AKT1: variants seen among roughly 807,000 people sequenced by gnomAD.
AKT1 encodes AKT serine/threonine kinase 1, also known as RAC-alpha serine/threonine-protein kinase.
AKT1 carries 21 observed loss-of-function variants against 63.1 expected under a neutral mutation model. The observed-to-expected ratio is 0.33, with a 90% CI of 0.24 to 0.48. The LOEUF is 0.48. AKT1 is among the 20% of genes least tolerant of loss of function. The probability of loss-of-function intolerance (pLI) is 0.99; values close to 1 mark genes in which losing one functional copy is unlikely to be tolerated. For missense variants in AKT1, 382 were observed against 666.0 expected (o/e 0.57, Z 4.69); for synonymous variants, 257 against 253.1 (o/e 1.02, Z -0.15).
At chr14:104,787,745 G>A (rs1893409503) in intron 3 of AKT1, among the ~76,000 whole-genome samples, 1 of 152,196 alleles carries the variant, frequency 6.6e-6, no homozygotes, top group Non-Finnish European at 1.5e-5. Flanking sequence ...CCCCCCACAG[G>A]GCATCCCTGC....
chr14:104,790,278 G>A (rs1027311276), intron 3 of AKT1, among the ~76,000 whole-genome samples: 12 of 152,150 alleles, frequency 7.9e-5, no homozygotes, highest in African/African-American at 2.7e-4. Flanking sequence ...GAGCAAGGCT[G>A]GGGGGGAGTG....
At chr14:104,779,331 G>C (rs1892898334) in intron 4 of AKT1, among the ~76,000 whole-genome samples, 1 of 152,240 alleles carries the variant, frequency 6.6e-6, no homozygotes, top group Admixed American at 6.5e-5. Context: ...CAAAGGCTCT[G>C]CCATGGGGTC....
At chr14:104,792,575 CA>C in intron 3 of AKT1, 22 bp downstream of exon 3, 1 of 1,611,678 alleles carries the variant, frequency 6.2e-7, no homozygotes, top group Non-Finnish European at 8.5e-7. Flanking sequence ...TCCCCAGGCC[CA>C]GCCCTGGCAG....
chr14:104,793,406 TCCTGGGAGAAA>T, intron 1 of AKT1, 102 bp from the exon 2 acceptor site: 1 of 208,162 alleles, frequency 4.8e-6, no homozygotes, highest in Non-Finnish European at 9.8e-6. Context: ...CCCAAAAACC[TCCTGGGAGAAA>T]CCCCAGGCCC....
chr14:104,781,585 G>T lies in AKT1; in HGVS notation c.47-1369C>A, dbSNP rs373300401. On this transcript the variant is annotated intron_variant, in intron 3 of 14. Transcript: ENST00000649815. Reference sequence around the variant, plus strand: ...AAGGCTCGACACATGGCCACCCCCCGGCCAGGTGACCTCTCCCTCCTACCC... The same window carrying T: ...AAGGCTCGACACATGGCCACCCCCCTGCCAGGTGACCTCTCCCTCCTACCC... Among the ~76,000 whole-genome samples the T allele has an allele frequency of 1.8e-4, 28 of 152,030 alleles. No homozygotes were observed. In the East Asian group the frequency reaches 4.9e-3, roughly 26 times the overall value.
intron 9 of AKT1, 34 bp downstream of exon 9, chr14:104,773,878 C>A: frequency 1.9e-6 from 3 of 1,572,998 alleles, no homozygotes; most frequent in East Asian, 2.3e-5. Flanking sequence ...GCCCACAGGC[C>A]GCGAAGTCCA....
intron 3 of AKT1, among the ~76,000 whole-genome samples, chr14:104,784,413 C>A (rs144187261): frequency 6.6e-6 from 1 of 152,064 alleles, no homozygotes. Context: ...GGGGGGACAG[C>A]GGAGACCAGG....
At chr14:104,775,862 C>T (rs1013710788) in intron 5 of AKT1, 63 bp from the exon 6 acceptor site, 2 of 1,556,048 alleles carry the variant, frequency 1.3e-6, no homozygotes, top group East Asian at 2.3e-5. Flanking sequence ...CCACGTCTTT[C>T]ACCCACCCGC....
At chr14:104,788,172 C>T (rs937144637) in intron 3 of AKT1, among the ~76,000 whole-genome samples, 13 of 152,204 alleles carry the variant, frequency 8.5e-5, no homozygotes, top group Admixed American at 1.3e-4. Flanking sequence ...ACTAACCAGC[C>T]CAGGGCCCGC....
chr14:104,783,521 ACAC>A (rs1164530853), intron 3 of AKT1, among the ~76,000 whole-genome samples: 4 of 17,098 alleles, frequency 2.3e-4, no homozygotes, highest in African/African-American at 9.2e-4. Flanking sequence ...CACCCCCCCA[ACAC>A]CACCCCACCC....
intron 3 of AKT1, among the ~76,000 whole-genome samples, chr14:104,782,569 G>C (rs979813620): frequency 1.3e-5 from 2 of 152,194 alleles, no homozygotes; most frequent in South Asian, 2.1e-4. Flanking sequence ...GGCGTGGGGG[G>C]TGGGAGAGGA....
chr14:104,776,956 A>G, intron 4 of AKT1, 186 bp from the exon 5 acceptor site: 1 of 569,742 alleles, frequency 1.8e-6, no homozygotes, highest in Non-Finnish European at 3.1e-6. Flanking sequence ...CCCCTGTTCC[A>G]GCTCAGACAC....
intron 3 of AKT1, among the ~76,000 whole-genome samples, chr14:104,784,493 GTCCCGGGTGGCCC>G (rs898902701): frequency 7.9e-5 from 12 of 152,218 alleles, no homozygotes; most frequent in African/African-American, 2.9e-4. Context: ...GCATCCCGAT[GTCCCGGGTGGCCC>G]TCCGGCAGGA....
chr14:104,779,637 A>AGT, intron 4 of AKT1, among the ~76,000 whole-genome samples: 1 of 150,464 alleles, frequency 6.6e-6, no homozygotes, highest in East Asian at 2.0e-4. Flanking sequence ...CCGCCCAGCC[A>AGT]GCCTCGGCCT....
At chr14:104,791,933 C>T (rs1893650826) in intron 3 of AKT1, among the ~76,000 whole-genome samples, 1 of 152,242 alleles carries the variant, frequency 6.6e-6, no homozygotes. Context: ...CACCGCACCC[C>T]GCTGAGCAAC....
chr14:104,774,251 C>T (rs1892584152), intron 8 of AKT1: 1 of 531,320 alleles, frequency 1.9e-6, no homozygotes, highest in Non-Finnish European at 3.4e-6. Context: ...CTGCCCCACA[C>T]CACACTGCCT....
intron 3 of AKT1, among the ~76,000 whole-genome samples, chr14:104,788,155 G>A (rs1038009279): frequency 2.6e-4 from 40 of 152,222 alleles, no homozygotes; most frequent in African/African-American, 9.6e-4. Flanking sequence ...GGGAGGCAGA[G>A]CTTGGCACTA....
At chr14:104,771,653 G>A (rs755773106) in intron 13 of AKT1, 23 of 233,204 alleles carry the variant, frequency 9.9e-5, no homozygotes, top group South Asian at 1.8e-4. Context: ...TGCCCAGCCC[G>A]ACCAGCTGCA....
intron 3 of AKT1, among the ~76,000 whole-genome samples, chr14:104,782,223 C>T (rs968440160): frequency 1.1e-4 from 17 of 152,206 alleles, no homozygotes; most frequent in Admixed American, 3.3e-4. Flanking sequence ...CACGCCCACC[C>T]GCCTGCATGC....
Sources: allele counts gnomAD v4.1 joint callset (sites outside exome capture counted in the v4.1 genomes callset), GRCh38; gene constraint gnomAD v4.1.1; transcripts MANE v1.5; gene names NCBI Gene and HGNC (gene_info 2026-07-23, HGNC 2026-07-21).